PRPF40B: variants seen among roughly 807,000 people sequenced by gnomAD.
PRPF40B encodes the protein pre-mRNA-processing factor 40 homolog B.
Under a neutral mutation model 124.5 loss-of-function variants are expected in PRPF40B, and 56 were observed. The ratio of observed to expected loss-of-function variants is 0.45; its 90% CI spans 0.36 to 0.56. The LOEUF (loss-of-function observed/expected upper bound fraction) is 0.56, where lower values mean the gene tolerates loss of function less well. Among genes scored for constraint, PRPF40B ranks in the 20% least tolerant of loss-of-function variants. The probability of loss-of-function intolerance (pLI) is 0.00; values close to 1 mark genes in which losing one functional copy is unlikely to be tolerated. For missense variants in PRPF40B, 1,053 were observed against 1,169.5 expected (o/e 0.90, Z 1.45); for synonymous variants, 443 against 426.4 (o/e 1.04, Z -0.48).
Position 49,631,971 on chromosome 12 carries a change from C to T in PRPF40B, c.294+46C>T, listed in dbSNP as rs750614540. 63 of 1,563,854 alleles carry T rather than the reference C, an allele frequency of 4.0e-5. No individual in the cohort carries two copies. Among genetic ancestry groups the T allele is most frequent in the Middle Eastern group, 1.7e-4 (1 of 6,012 alleles). On this transcript the variant is annotated intron_variant, in intron 4 of 25. Coordinates refer to ENST00000548825, the MANE Select transcript of PRPF40B (RefSeq NM_001031698.3). This position sits in a 1 kb window ranked among gnomAD's most constrained non-coding sequence, Gnocchi z 4.3. ...GGTAGCAGGCTCTGCCCTGCAGTCC[C>T]GTGAGTCTGACTTGGAATGCAGGAC...
intron 4 of PRPF40B, chr12:49,632,246 AGTCAGTAGCACCTGGGGATCTT>A: frequency 1.7e-6 from 1 of 578,712 alleles, no homozygotes; most frequent in Non-Finnish European, 3.1e-6. Flanking sequence ...TCCCCAGAAG[AGTCAGTAGCACCTGGGGATCTT>A]GCTGTGCCTT....
At chr12:49,623,658 C>T in intron 1 of PRPF40B, 65 bp downstream of exon 1, 3 of 1,219,844 alleles carry the variant, frequency 2.5e-6, no homozygotes, top group Non-Finnish European at 3.1e-6. Flanking sequence ...GCGGCCCGGG[C>T]CGTGGCCGAT....
chr12:49,643,199 A>C, intron 22 of PRPF40B, 24 bp from the exon 23 acceptor site: 1 of 1,613,454 alleles, frequency 6.2e-7, no homozygotes, highest in Non-Finnish European at 8.5e-7. Context: ...CTCTGCACTG[A>C]CATGTATCTG....
chr12:49,637,937 A>C (rs1175255950), intron 18 of PRPF40B, 113 bp downstream of exon 18: 4 of 813,498 alleles, frequency 4.9e-6, no homozygotes, highest in African/African-American at 1.7e-5. Context: ...GGTTCAGCAG[A>C]TATCTACTGT....
Position 49,631,745 on chromosome 12 carries a change from G to C in PRPF40B, c.229-115G>C. 2 of 1,269,518 alleles carry C rather than the reference G, an allele frequency of 1.6e-6. No individual in the cohort carries two copies. Among genetic ancestry groups the C allele is most frequent in the Non-Finnish European group, 2.3e-6 (2 of 869,398 alleles). The allele number at this position is 1,269,518 out of a possible 1,614,324, so 78.6% of individuals were successfully genotyped here. Reference sequence around the variant, plus strand: ...GAATCTGGGGATTGCCTGAGGAAGTGCCCAAGTGAGGGTCATGGCTCCAGT... The same window carrying C: ...GAATCTGGGGATTGCCTGAGGAAGTCCCCAAGTGAGGGTCATGGCTCCAGT... On this transcript the variant is annotated intron_variant, in intron 3 of 25. Transcript: ENST00000548825. This position sits in a 1 kb window ranked among gnomAD's most constrained non-coding sequence, Gnocchi z 4.3.
chr12:49,628,271 T>G lies in PRPF40B; in HGVS notation c.4-2274T>G, dbSNP rs554476363. Reference sequence around the variant, plus strand: ...ACAGTTTGTTGTTGTTGTTGTTGTTTTGTCTTTTTGAGAGTGTCTCACTCT... The same window carrying G: ...ACAGTTTGTTGTTGTTGTTGTTGTTGTGTCTTTTTGAGAGTGTCTCACTCT... On this transcript the variant is annotated intron_variant, in intron 1 of 25. Transcript: ENST00000548825. Among the ~76,000 whole-genome samples the G allele has an allele frequency of 2.6e-5, 4 of 152,274 alleles. No homozygotes were observed. In the East Asian group the frequency reaches 5.8e-4, roughly 22 times the overall value.
At chr12:49,626,706 C>T (rs1404416579) in intron 1 of PRPF40B, among the ~76,000 whole-genome samples, 1 of 152,058 alleles carries the variant, frequency 6.6e-6, no homozygotes, top group Non-Finnish European at 1.5e-5. Context: ...GGTAGGCAAT[C>T]GGGAACCGGT....
At chr12:49,639,839 G>A (rs1164647498) in intron 18 of PRPF40B, 1 of 152,206 alleles carries the variant, frequency 6.6e-6, no homozygotes, top group Non-Finnish European at 1.5e-5. Context: ...CAAGGCTGTA[G>A]AAAATAGGAA....
upstream of PRPF40B, among the ~76,000 whole-genome samples, chr12:49,622,948 TCTCATGAGTTCAGCG>T (rs1940336177): frequency 6.6e-6 from 1 of 152,044 alleles, no homozygotes; most frequent in South Asian, 2.1e-4. Flanking sequence ...TGGGCCCTGC[TCTCATGAGTTCAGCG>T]CTCAGTGGGA....
chr12:49,642,378 G>T lies in PRPF40B; in HGVS notation c.2022+6G>T. On this transcript the variant is annotated splice_donor_region_variant and intron_variant, in intron 20 of 25. Coordinates refer to ENST00000548825, the MANE Select transcript of PRPF40B (RefSeq NM_001031698.3). The surrounding 1 kb of genome is among the most constrained non-coding windows in gnomAD (Gnocchi z 5.8). Reference sequence around the variant, plus strand: ...TAGGCACTGCCTGGGAAGAGGTCAGGAGCGTAGCCTGGCCCCAAGCACCCC... The same window carrying T: ...TAGGCACTGCCTGGGAAGAGGTCAGTAGCGTAGCCTGGCCCCAAGCACCCC... 1 of 1,613,320 alleles carries T rather than the reference G, an allele frequency of 6.2e-7. No homozygotes were observed. Among genetic ancestry groups the T allele is most frequent in the South Asian group, 1.1e-5 (1 of 91,050 alleles).
chr12:49,637,125 T>C, intron 16 of PRPF40B: 1 of 583,970 alleles, frequency 1.7e-6, no homozygotes, highest in Non-Finnish European at 3.0e-6. Flanking sequence ...CCATGTTTAT[T>C]TCCCTTGGTG....
Position 49,643,260 on chromosome 12 carries a change from C to T in PRPF40B, c.2243C>T (p.Ser748Phe). ...GAAGAAGAGGAGCTGCCCCCACCATCTCTCCGGCCCCCCAAGCGGAGGAGG... is the reference window on the plus strand; with the variant it reads ...GAAGAAGAGGAGCTGCCCCCACCATTTCTCCGGCCCCCCAAGCGGAGGAGG... ...ESEEEELPPP[S>F]LRPPKRRRRN... The change falls in exon 23 of 26, where the codon TCT becomes TTT. Residue 748 changes from serine (S) to phenylalanine (F), a missense_variant. Physicochemically the swap from Ser to Phe is radical, Grantham distance 155. Transcript: ENST00000548825. The T allele has an allele frequency of 6.2e-7, 1 of 1,614,146 alleles. No individual in the cohort carries two copies. Among genetic ancestry groups the T allele is most frequent in the South Asian group, 1.1e-5 (1 of 91,068 alleles).
Position 49,644,148 on chromosome 12 carries a change from A to AGGC in PRPF40B, c.2644_2646dup (p.Arg882dup). 1.2e-6 allele frequency: 2 copies of AGGC among 1,614,068 alleles called. No individual in the cohort carries two copies. Among genetic ancestry groups the AGGC allele is most frequent in the Non-Finnish European group, 1.7e-6 (2 of 1,179,992 alleles). On this transcript the variant is annotated inframe_insertion, in exon 26 of 26. Coordinates refer to ENST00000548825, the MANE Select transcript of PRPF40B (RefSeq NM_001031698.3). ...TGAGCTGAGTGAGGGTGAGCTGGAG[A>AGGC]GGCGGCGGCGGACACTCCTACAGCA... is the stretch of plus-strand genomic sequence containing the variant.
chr12:49,643,074 C>G, intron 22 of PRPF40B, 58 bp downstream of exon 22: 1 of 1,594,686 alleles, frequency 6.3e-7, no homozygotes, highest in South Asian at 1.1e-5. Context: ...GGGAAATAAA[C>G]ACTTTGTTTT....
chr12:49,623,989 T>G lies in PRPF40B; in HGVS notation c.3+396T>G. The G allele has an allele frequency of 5.4e-5, 55 of 1,012,848 alleles. No homozygotes were observed. The East Asian group carries it at 6.2e-4, about 11-fold the overall frequency. 62.7% of individuals were successfully genotyped at this position (1,012,848 alleles called of 1,614,324 possible). On this transcript the variant is annotated intron_variant, in intron 1 of 25. Coordinates refer to ENST00000548825, the MANE Select transcript of PRPF40B (RefSeq NM_001031698.3). ...GGGATATTTGGTGTGCGACATGCCC[T>G]TCCCCCAGCCCCAGCGCCCGTTCCC...
chr12:49,634,387 A>G lies in PRPF40B; in HGVS notation c.868A>G (p.Arg290Gly). 6.2e-7 allele frequency: 1 copy of G among 1,614,218 alleles called. No homozygotes were observed. The highest frequency in any genetic ancestry group is 1.1e-5 in the South Asian group (1 of 91,086). Reference sequence around the variant, plus strand: ...GGAGGAATCAAAGCCAGAACCAGAGAGGTCTGGCCTCAGTTGGAGCAACCG... The same window carrying G: ...GGAGGAATCAAAGCCAGAACCAGAGGGGTCTGGCCTCAGTTGGAGCAACCG... ...EEEESKPEPE[R>G]SGLSWSNREK... The change falls in exon 11 of 26, where the codon AGG becomes GGG. Residue 290 changes from arginine to glycine, a missense_variant. Arg to Gly is a moderately radical substitution (Grantham distance 125). This residue lies in a region of PRPF40B where 895 missense variants were observed against 1,052.2 expected (regional missense o/e 0.85). Coordinates refer to ENST00000548825, the MANE Select transcript of PRPF40B (RefSeq NM_001031698.3).
At chr12:49,636,249 T>A (rs1368261411) in intron 15 of PRPF40B, among the ~76,000 whole-genome samples, 1 of 152,188 alleles carries the variant, frequency 6.6e-6, no homozygotes, top group Non-Finnish European at 1.5e-5. Flanking sequence ...ATAGGAATCT[T>A]AAGTCCTAGA....
rs763974542 is a variant in PRPF40B, at chr12:49,644,144, G to A, written c.2631G>A (p.Leu877=). The change falls in exon 26 of 26, where the codon CTG becomes CTA. Residue 877 remains leucine, a synonymous_variant. Coordinates refer to ENST00000548825, the MANE Select transcript of PRPF40B (RefSeq NM_001031698.3). ...AAAGTGAGCTGAGTGAGGGTGAGCT[G>A]GAGAGGCGGCGGCGGACACTCCTAC... is the stretch of plus-strand genomic sequence containing the variant. ...TSESELSEGE[L]ERRRRTLLQQ... is the part of the protein sequence containing the mutation. 5 of 1,614,062 alleles carry A rather than the reference G, an allele frequency of 3.1e-6. No individual in the cohort carries two copies. The highest frequency in any genetic ancestry group is 4.2e-6 in the Non-Finnish European group (5 of 1,180,048).
chr12:49,637,016 C>T, intron 16 of PRPF40B, 167 bp downstream of exon 16: 1 of 1,043,062 alleles, frequency 9.6e-7, no homozygotes, highest in Non-Finnish European at 1.4e-6. Context: ...TGCTGTACCT[C>T]CTCAATTCTG....
Sources: allele counts gnomAD v4.1 joint callset (sites outside exome capture counted in the v4.1 genomes callset), GRCh38; gene constraint gnomAD v4.1.1; regional missense constraint gnomAD v4.1.1; non-coding constraint Gnocchi (gnomAD v3.1); transcripts MANE v1.5; gene names NCBI Gene and HGNC (gene_info 2026-07-23, HGNC 2026-07-21).